The following TESK2 variants were observed in gnomAD, a reference collection of about 807,000 sequenced individuals.
TESK2 encodes the protein dual specificity testis-specific protein kinase 2.
Under a neutral mutation model 57.1 loss-of-function variants are expected in TESK2, and 39 were observed. The observed-to-expected ratio is 0.68, with a 90% CI of 0.53 to 0.89. The LOEUF is 0.89. TESK2 is among the 40% of genes least tolerant of loss of function. TESK2 has a pLI of 0.00. For missense variants in TESK2, 646 were observed against 732.1 expected (o/e 0.88, Z 1.36); for synonymous variants, 249 against 267.9 (o/e 0.93, Z 0.69).
chr1:45,389,717 C>T (rs1470653165), intron 3 of TESK2, among the ~76,000 whole-genome samples: 2 of 152,162 alleles, frequency 1.3e-5, no homozygotes, highest in East Asian at 3.9e-4. Context: ...GTTACCTAAT[C>T]TTTATAAATC....
intron 1 of TESK2, among the ~76,000 whole-genome samples, chr1:45,482,348 T>C (rs1373531793): frequency 6.6e-6 from 1 of 151,822 alleles, no homozygotes; most frequent in Non-Finnish European, 1.5e-5. Context: ...GGTAACATAG[T>C]GAGACCATGC....
intron 4 of TESK2, among the ~76,000 whole-genome samples, chr1:45,358,617 AG>A (rs1424103957): frequency 1.3e-5 from 2 of 152,152 alleles, no homozygotes; most frequent in Non-Finnish European, 2.9e-5. Flanking sequence ...CCTATAAGGT[AG>A]GTACACTGGT....
intron 2 of TESK2, among the ~76,000 whole-genome samples, chr1:45,455,166 T>C (rs1652022060): frequency 6.6e-6 from 1 of 152,204 alleles, no homozygotes; most frequent in Non-Finnish European, 1.5e-5. Flanking sequence ...ATTTCTGACA[T>C]TAGGGTCATA....
intron 4 of TESK2, among the ~76,000 whole-genome samples, chr1:45,357,676 G>A (rs192990113): frequency 6.6e-5 from 10 of 151,630 alleles, no homozygotes; most frequent in Non-Finnish European, 8.8e-5. Context: ...GCAAAATCCC[G>A]TCCCTACAAA....
At position 45,457,881 on chromosome 1, in the gene TESK2, T is replaced by A; in HGVS notation, c.-86-10A>T. ...CTCTTCTGGTTTGACACTAAAGAGA[T>A]CAAAAAAATTTCCACTGAAATCTTT... is the stretch of plus-strand genomic sequence containing the variant. On this transcript the variant is annotated splice_polypyrimidine_tract_variant and intron_variant, in intron 1 of 10. Transcript: ENST00000372086. 9.9e-7 allele frequency: 1 copy of A among 1,012,360 alleles called. No individual in the cohort carries two copies. The highest frequency in any genetic ancestry group is 1.4e-6 in the Non-Finnish European group (1 of 691,134). The allele number at this position is 1,012,360 out of a possible 1,614,324, so 62.7% of individuals were successfully genotyped here. A position where few individuals can be genotyped will look rare whatever the true frequency, so the allele number is the denominator to read the frequency against.
rs1049913766 is a variant in TESK2 at position 45,421,918 on chromosome 1, G to A, written c.223-72C>T. ...ATATGTGAGGTCAACATCTCCAAAT[G>A]TACAATATGCCAAGATATTTTTGTG... On this transcript the variant is annotated intron_variant, in intron 2 of 10. Transcript: ENST00000372086. 3.6e-5 allele frequency: 54 copies of A among 1,519,836 alleles called. 1 individual carries two copies. In the South Asian group the frequency reaches 4.0e-4, roughly 11 times the overall value. 94.1% of individuals were successfully genotyped at this position (1,519,836 alleles called of 1,614,324 possible). A position where few individuals can be genotyped will look rare whatever the true frequency, so the allele number is the denominator to read the frequency against.
intron 3 of TESK2, among the ~76,000 whole-genome samples, chr1:45,410,117 C>CT (rs1179563808): frequency 6.6e-6 from 1 of 151,794 alleles, no homozygotes; most frequent in East Asian, 2.0e-4. Flanking sequence ...GATCATGCCA[C>CT]TGTACTCCAG....
At chr1:45,458,491 G>A (rs1322632934) in intron 1 of TESK2, among the ~76,000 whole-genome samples, 3 of 151,932 alleles carry the variant, frequency 2.0e-5, no homozygotes, top group Non-Finnish European at 4.4e-5. Context: ...CTTGAACCCA[G>A]GACGCAGGGG....
At chr1:45,354,825 T>A (rs1291703761) in intron 5 of TESK2, among the ~76,000 whole-genome samples, 1,025 of 56,204 alleles carry the variant, frequency 0.018, 8 homozygotes, top group Non-Finnish European at 0.026. Flanking sequence ...AATATATATA[T>A]ATATATATAT....
In TESK2 at chr1:45,416,150, T is replaced by C. The variant is rs139129144; in HGVS notation, c.344+5575A>G. On this transcript the variant is annotated intron_variant, in intron 3 of 10. Transcript: ENST00000372086. Reference sequence around the variant, plus strand: ...CAGGCTGGAGTGAAGTGGTATGATCTCAGCTCACTACAAGTTCTGCCTCCT... The same window carrying C: ...CAGGCTGGAGTGAAGTGGTATGATCCCAGCTCACTACAAGTTCTGCCTCCT... Among the ~76,000 whole-genome samples, 278 of 137,488 alleles carry C rather than the reference T, an allele frequency of 2.0e-3. 2 individuals are homozygous for C. The highest frequency in any genetic ancestry group is 6.9e-3 in the African/African-American group (257 of 37,168). The allele number at this position is 137,488 out of a possible 152,430, so 90.2% of individuals were successfully genotyped here. A position where few individuals can be genotyped will look rare whatever the true frequency, so the allele number is the denominator to read the frequency against.
chr1:45,460,691 C>T (rs11583290), intron 1 of TESK2, among the ~76,000 whole-genome samples: 31,932 of 151,906 alleles, frequency 0.21, 3,709 homozygotes, highest in Non-Finnish European at 0.27. Flanking sequence ...GTAGCTGGGA[C>T]TACAAGCATG....
At chr1:45,484,106 T>A (rs1188178636) in intron 1 of TESK2, among the ~76,000 whole-genome samples, 2 of 1,666 alleles carry the variant, frequency 1.2e-3, no homozygotes, top group Non-Finnish European at 2.2e-3. Flanking sequence ...TAATTCTTCT[T>A]TTTTTTTTTT....
At chr1:45,387,795 T>A (rs575937888) in intron 3 of TESK2, among the ~76,000 whole-genome samples, 9 of 152,146 alleles carry the variant, frequency 5.9e-5, no homozygotes, top group Non-Finnish European at 1.3e-4. Context: ...TCACCTGAGG[T>A]CAGGAGTTCA....
At chr1:45,354,682 G>A (rs987997454) in intron 5 of TESK2, among the ~76,000 whole-genome samples, 1 of 147,494 alleles carries the variant, frequency 6.8e-6, no homozygotes, top group Non-Finnish European at 1.5e-5. Context: ...CCAGCTATTC[G>A]GGAGGCTGAG....
chr1:45,481,391 TG>T (rs970788637), intron 1 of TESK2, among the ~76,000 whole-genome samples: 3 of 146,730 alleles, frequency 2.0e-5, no homozygotes, highest in African/African-American at 7.5e-5. Context: ...AGATTGGGGG[TG>T]GGAAGTGCAG....
chr1:45,413,837 A>G (rs1338724670), intron 3 of TESK2: 1 of 456,082 alleles, frequency 2.2e-6, no homozygotes, highest in Admixed American at 2.3e-5. Context: ...TCTAATCTCA[A>G]TTTGGGGAAA....
chr1:45,455,135 C>T (rs528282464), intron 2 of TESK2, among the ~76,000 whole-genome samples: 60 of 152,240 alleles, frequency 3.9e-4, no homozygotes, highest in African/African-American at 1.4e-3. Context: ...ATTTGCATTC[C>T]TATTGTTCCT....
Position 45,346,965 on chromosome 1 carries a change from T to A in TESK2, c.792+14A>T. On this transcript the variant is annotated intron_variant, in intron 8 of 10. Coordinates refer to ENST00000372086, the MANE Select transcript of TESK2 (RefSeq NM_007170.3). Reference sequence around the variant, plus strand: ...GCCCCATCAGTGGCAATGATCCCCATGCTTGCAGCTCACCTCTGTGCGGGG... The same window carrying A: ...GCCCCATCAGTGGCAATGATCCCCAAGCTTGCAGCTCACCTCTGTGCGGGG... The A allele has an allele frequency of 6.2e-7, 1 of 1,613,900 alleles. No homozygotes were observed. Among genetic ancestry groups the A allele is most frequent in the Non-Finnish European group, 8.5e-7 (1 of 1,179,742 alleles).
intron 2 of TESK2, among the ~76,000 whole-genome samples, chr1:45,430,094 T>G (rs1650888192): frequency 6.6e-6 from 1 of 152,166 alleles, no homozygotes; most frequent in Non-Finnish European, 1.5e-5. Context: ...CTTTAACAGA[T>G]GTGGCTACCA....
Sources: allele counts gnomAD v4.1 joint callset (sites outside exome capture counted in the v4.1 genomes callset), GRCh38; gene constraint gnomAD v4.1.1; transcripts MANE v1.5; gene names NCBI Gene and HGNC (gene_info 2026-07-23, HGNC 2026-07-21).